Variants in FSTL4 observed in about 807,000 individuals in gnomAD.
FSTL4 encodes follistatin like 4.
Under a neutral mutation model 78.2 loss-of-function variants are expected in FSTL4, and 28 were observed. That is an observed-to-expected ratio of 0.36 (90% CI 0.27 to 0.49). FSTL4 has a LOEUF of 0.49. FSTL4 is among the 20% of genes least tolerant of loss of function. The pLI is 0.98. For synonymous variants in FSTL4, 422 were observed against 440.5 expected, an observed-to-expected ratio of 0.96 and a Z score of 0.53; for missense variants, 922 against 1,084.9, an observed-to-expected ratio of 0.85 and a Z score of 2.11.
At chr5:133,701,511 C>CCCCCCCA in the FSTL4 span, among the ~76,000 whole-genome samples, 1 of 63,518 alleles carries the variant, frequency 1.6e-5, no homozygotes, top group Non-Finnish European at 3.5e-5. Flanking sequence ...ACACACACAC[C>CCCCCCCA]CCACAGGCCA....
At chr5:133,688,447 T>C in the FSTL4 span, among the ~76,000 whole-genome samples, 89 of 152,208 alleles carry the variant, frequency 5.8e-4, 1 homozygote, top group African/African-American at 1.7e-3. Flanking sequence ...CAACAACAAA[T>C]GGTGGTTCTA....
In FSTL4 at chr5:133,270,551, C is replaced by T. The variant is rs1010276927; in HGVS notation, c.728-20975G>A. 5.3e-5 allele frequency among the ~76,000 whole-genome samples: 8 copies of T among 152,262 alleles called. No individual in the cohort carries two copies. The South Asian group carries it at 6.2e-4, about 12-fold the overall frequency. ...ACATTCCGGACTAAATTTGATAGGACGTGGGGGCAGTCCGCCTCCTCTGAT... is the reference window on the plus strand; with the variant it reads ...ACATTCCGGACTAAATTTGATAGGATGTGGGGGCAGTCCGCCTCCTCTGAT... On this transcript the variant is annotated intron_variant, in intron 6 of 15. Transcript: ENST00000265342.
At chr5:133,357,902 T>C (rs950617575) in intron 4 of FSTL4, among the ~76,000 whole-genome samples, 3 of 152,174 alleles carry the variant, frequency 2.0e-5, no homozygotes, top group Admixed American at 2.0e-4. Flanking sequence ...CCACTCCTGT[T>C]CTAGCTGAGT....
chr5:133,766,095 A>C, the FSTL4 span, among the ~76,000 whole-genome samples: 1 of 152,184 alleles, frequency 6.6e-6, no homozygotes, highest in East Asian at 1.9e-4. Context: ...GGCAGAGTGT[A>C]GGTGCTCAAT....
At chr5:133,252,186 T>A (rs1036240196) in intron 6 of FSTL4, 1 of 152,260 alleles carries the variant, frequency 6.6e-6, no homozygotes, top group African/African-American at 2.4e-5. Flanking sequence ...CATTTAGTTG[T>A]GCTTTTCTCC....
At chr5:133,616,426 G>A (rs1761202062), upstream of FSTL4, among the ~76,000 whole-genome samples, 1 of 151,758 alleles carries the variant, frequency 6.6e-6, no homozygotes, top group African/African-American at 2.4e-5. Context: ...TTTTGAGACA[G>A]GGTCTTACTC....
chr5:133,753,683 CTGTGTG>C, the FSTL4 span, among the ~76,000 whole-genome samples: 144 of 120,696 alleles, frequency 1.2e-3, no homozygotes, highest in Middle Eastern at 4.4e-3. Context: ...CACATTTGTT[CTGTGTG>C]TGTGTGTGTG....
the FSTL4 span, among the ~76,000 whole-genome samples, chr5:133,670,966 G>A: frequency 6.6e-6 from 1 of 152,132 alleles, no homozygotes; most frequent in Non-Finnish European, 1.5e-5. Context: ...TTTGAATCTG[G>A]GCTGACTATG....
rs561465589 is a variant in FSTL4 at position 133,336,273 on chromosome 5, C to G, written c.410-19621G>C. Among the ~76,000 whole-genome samples the G allele has an allele frequency of 3.9e-5, 6 of 152,276 alleles. No homozygotes were observed. In the East Asian group the frequency reaches 1.2e-3, roughly 29 times the overall value. ...GGGAATGAGCACAGCCAGCCCTGAA[C>G]AGTCCTCATCACTCAACAAACAAGC... On this transcript the variant is annotated intron_variant, in intron 4 of 15. Transcript: ENST00000265342.
At chr5:133,683,756 C>T in the FSTL4 span, among the ~76,000 whole-genome samples, 113 of 152,190 alleles carry the variant, frequency 7.4e-4, 1 homozygote, top group South Asian at 3.7e-3. Context: ...ATGCTGTGTT[C>T]GGTAGGATTA....
At chr5:133,720,193 A>G in the FSTL4 span, among the ~76,000 whole-genome samples, 1 of 152,254 alleles carries the variant, frequency 6.6e-6, no homozygotes, top group African/African-American at 2.4e-5. Context: ...AGTAGGAAAA[A>G]GAAAATTCTC....
chr5:133,831,839 G>A, the FSTL4 span, among the ~76,000 whole-genome samples: 1 of 152,208 alleles, frequency 6.6e-6, no homozygotes, highest in Non-Finnish European at 1.5e-5. Flanking sequence ...GATCAAGGCT[G>A]ACTCTCTGGC....
At chr5:133,367,779 G>A (rs1350512041) in intron 4 of FSTL4, among the ~76,000 whole-genome samples, 1 of 152,248 alleles carries the variant, frequency 6.6e-6, no homozygotes, top group African/African-American at 2.4e-5. Context: ...AAAAGGAAAT[G>A]TAAGCTAATG....
At chr5:133,744,155 G>C in the FSTL4 span, among the ~76,000 whole-genome samples, 1 of 152,202 alleles carries the variant, frequency 6.6e-6, no homozygotes, top group East Asian at 1.9e-4. Flanking sequence ...ATTGGGAGGA[G>C]GGAGGGGAGT....
intron 3 of FSTL4, among the ~76,000 whole-genome samples, chr5:133,418,427 A>G (rs1285411759): frequency 2.0e-5 from 3 of 152,202 alleles, no homozygotes; most frequent in African/African-American, 7.2e-5. Flanking sequence ...CAATATATCT[A>G]AGATGTGGAT....
chr5:133,384,010 T>C (rs112455727), intron 4 of FSTL4, among the ~76,000 whole-genome samples: 4 of 152,334 alleles, frequency 2.6e-5, no homozygotes, highest in African/African-American at 7.2e-5. Context: ...CAAATGGATA[T>C]TGTTTAAATT....
intron 3 of FSTL4, among the ~76,000 whole-genome samples, chr5:133,419,724 G>A (rs891794291): frequency 2.6e-5 from 4 of 152,198 alleles, no homozygotes; most frequent in Non-Finnish European, 4.4e-5. Context: ...GATTATGAAT[G>A]TTCTGGTTCT....
intron 4 of FSTL4, among the ~76,000 whole-genome samples, chr5:133,374,032 C>T (rs2126946272): frequency 6.6e-6 from 1 of 152,258 alleles, no homozygotes; most frequent in Middle Eastern, 3.4e-3. Context: ...GAAATGAAGT[C>T]CCTTGGGCAG....
chr5:133,758,187 A>T, the FSTL4 span, among the ~76,000 whole-genome samples: 1 of 152,236 alleles, frequency 6.6e-6, no homozygotes, highest in African/African-American at 2.4e-5. Context: ...TCACTGAGGG[A>T]TGTGCAATTA....
Sources: gnomAD v4.1 joint callset for allele counts (sites outside exome capture counted in the v4.1 genomes callset) on GRCh38, gnomAD v4.1.1 for gene constraint, MANE v1.5 for transcripts, NCBI Gene and HGNC (gene_info 2026-07-23, HGNC 2026-07-21) for gene names.